LHFPL5: variants seen among roughly 807,000 people sequenced by gnomAD.
LHFPL5 encodes LHFPL tetraspan subfamily member 5 protein.
Under a neutral mutation model 18.7 loss-of-function variants are expected in LHFPL5, and 12 were observed. That is an observed-to-expected ratio of 0.64 (90% CI 0.41 to 1.04). LHFPL5 has a LOEUF of 1.04. Ranked by LOEUF, LHFPL5 falls within the 50% of genes least tolerant of loss-of-function variation. The pLI is 0.00. For synonymous variants in LHFPL5, 111 were observed against 120.2 expected (o/e 0.92, Z 0.50); for missense variants, 259 against 292.1 (o/e 0.89, Z 0.83).
At chr6:35,807,019 G>A (rs1768580500) in intron 1 of LHFPL5, among the ~76,000 whole-genome samples, 3 of 152,040 alleles carry the variant, frequency 2.0e-5, no homozygotes, top group African/African-American at 7.2e-5. Flanking sequence ...GTAGAGACGG[G>A]GTTTTGTCAT....
rs1346378551 is a variant in LHFPL5 at position 35,814,073 on chromosome 6, A to G, written c.413-473A>G. On this transcript the variant is annotated intron_variant, in intron 1 of 3. Transcript: ENST00000360215. The surrounding 1 kb of genome is among the most constrained non-coding windows in gnomAD (Gnocchi z 4.2). ...CGACCTCCCAAAGTGCTGGGATTAC[A>G]GGTGTGAGCCACCACCCCCAGGCTA... 2.0e-5 allele frequency among the ~76,000 whole-genome samples: 3 copies of G among 152,202 alleles called. No individual in the cohort carries two copies. The highest frequency in any genetic ancestry group is 1.3e-4 in the Admixed American group (2 of 15,282).
intron 2 of LHFPL5, among the ~76,000 whole-genome samples, chr6:35,816,383 C>CAAAT (rs1245096476): frequency 6.8e-6 from 1 of 147,136 alleles, no homozygotes; most frequent in Non-Finnish European, 1.5e-5. Context: ...AAAAAGAAAA[C>CAAAT]AAATTACTAG....
chr6:35,819,483 G>A lies in LHFPL5; in HGVS notation c.*16+20G>A. On this transcript the variant is annotated intron_variant, in intron 3 of 3. Transcript: ENST00000360215. ...GGGTCGGTGAGTAATTCTATGGGAG[G>A]GTGGTCTGCGTGCCCTTAGAAAGGC... The A allele has an allele frequency of 6.2e-7, 1 of 1,612,198 alleles. No individual in the cohort carries two copies.
intron 2 of LHFPL5, among the ~76,000 whole-genome samples, chr6:35,815,472 T>A (rs1768743136): frequency 6.6e-6 from 1 of 152,156 alleles, no homozygotes; most frequent in Non-Finnish European, 1.5e-5. Flanking sequence ...CTTGGGCTAA[T>A]TTTTCAGAGC....
intron 1 of LHFPL5, among the ~76,000 whole-genome samples, chr6:35,809,406 A>G (rs1367944762): frequency 1.3e-5 from 2 of 152,132 alleles, no homozygotes; most frequent in Non-Finnish European, 2.9e-5. Flanking sequence ...GGCCTCTTCT[A>G]GGCTCTAGAC....
In LHFPL5 at chr6:35,818,106, A is replaced by T. The variant is rs532285018; in HGVS notation, c.650-1331A>T. Among the ~76,000 whole-genome samples, 93 of 152,308 alleles carry T rather than the reference A, an allele frequency of 6.1e-4. 1 individual carries two copies. The highest frequency in any genetic ancestry group is 1.0e-3 in the Non-Finnish European group (70 of 68,030). On this transcript the variant is annotated intron_variant, in intron 2 of 3. Coordinates refer to ENST00000360215, the MANE Select transcript of LHFPL5 (RefSeq NM_182548.4). ...ATGTTAAATGAAAGGAACCAGACAC[A>T]AAAGACTGGTTTCCATTTGTATATC...
chr6:35,817,197 T>C (rs1344509164), intron 2 of LHFPL5, among the ~76,000 whole-genome samples: 2 of 152,030 alleles, frequency 1.3e-5, no homozygotes, highest in Admixed American at 1.3e-4. Context: ...GGTGGGCACC[T>C]GTAGTTCCAG....
Position 35,805,701 on chromosome 6 carries a change from G to A in LHFPL5, c.31G>A (p.Ala11Thr). MVKLLPAQEA[A>T]KIYHTNYVRN... is the part of the protein sequence containing the mutation. ...GAAATTGCTGCCGGCCCAGGAGGCA[G>A]CCAAGATCTACCATACCAACTATGT... Residue 11 changes from alanine (A) to threonine (T), a missense_variant, in exon 1 of 4, where the codon GCC becomes ACC. By Grantham distance (58) the Ala-to-Thr change is moderately conservative (BLOSUM62 0). Transcript: ENST00000360215. The surrounding 1 kb of genome is among the most constrained non-coding windows in gnomAD (Gnocchi z 4.3). 1 of 1,614,126 alleles carries A rather than the reference G, an allele frequency of 6.2e-7. No individual in the cohort carries two copies. Among genetic ancestry groups the A allele is most frequent in the Non-Finnish European group, 8.5e-7 (1 of 1,180,004 alleles).
chr6:35,809,751 G>T (rs933682153), intron 1 of LHFPL5, among the ~76,000 whole-genome samples: 4 of 152,162 alleles, frequency 2.6e-5, no homozygotes, highest in African/African-American at 9.7e-5. Context: ...CGATCTGCCT[G>T]CCTCAGCCTC....
intron 2 of LHFPL5, among the ~76,000 whole-genome samples, chr6:35,818,339 ATATATATATGTATTTTT>A (rs1561955599): frequency 6.1e-4 from 17 of 27,862 alleles, no homozygotes; most frequent in Non-Finnish European, 9.4e-4. Flanking sequence ...ATATATATAT[ATATATATATGTATTTTT>A]TTTTTTTTTT....
At chr6:35,807,027 C>T (rs1768580554) in intron 1 of LHFPL5, among the ~76,000 whole-genome samples, 1 of 152,086 alleles carries the variant, frequency 6.6e-6, no homozygotes, top group South Asian at 2.1e-4. Context: ...GGGGTTTTGT[C>T]ATGTTGCCCA....
In LHFPL5 at chr6:35,823,426, T is replaced by TATATACACACACAC. The variant is rs886061353; in HGVS notation, c.*462_*463insTATACACACACACA. ...ACACACACACACACACACACACACA[T>TATATACACACACAC]ACATACACACACACATATATATACA... On this transcript the variant is annotated 3_prime_UTR_variant, in exon 4 of 4. Transcript: ENST00000360215. The TATATACACACACAC allele has an allele frequency of 1.7e-5, 1 of 59,324 alleles. No homozygotes were observed. Among genetic ancestry groups the TATATACACACACAC allele is most frequent in the African/African-American group, 6.4e-5 (1 of 15,516 alleles). The allele number at this position is 59,324 out of a possible 1,614,324, so 3.7% of individuals were successfully genotyped here.
At chr6:35,817,540 G>A (rs1768787263) in intron 2 of LHFPL5, among the ~76,000 whole-genome samples, 1 of 152,036 alleles carries the variant, frequency 6.6e-6, no homozygotes, top group Admixed American at 6.6e-5. Context: ...GCTTAAAATG[G>A]GCAAGGGATT....
At chr6:35,813,785 CCTTTT>C (rs1348090578) in intron 1 of LHFPL5, among the ~76,000 whole-genome samples, 117 of 149,288 alleles carry the variant, frequency 7.8e-4, no homozygotes, top group Middle Eastern at 6.9e-3. Context: ...CTTTCTTTTT[CCTTTT>C]CCTTTTTTTT....
At chr6:35,818,339 ATATATATATG>A (rs1427009145) in intron 2 of LHFPL5, among the ~76,000 whole-genome samples, 88 of 27,856 alleles carry the variant, frequency 3.2e-3, no homozygotes, top group Middle Eastern at 0.022. Flanking sequence ...ATATATATAT[ATATATATATG>A]TATTTTTTTT....
At chr6:35,816,095 C>T (rs1235184826) in intron 2 of LHFPL5, among the ~76,000 whole-genome samples, 16 of 150,086 alleles carry the variant, frequency 1.1e-4, no homozygotes, top group South Asian at 2.1e-4. Flanking sequence ...GGCGTGAACC[C>T]GGGAAGCGGA....
At chr6:35,810,007 A>C (rs980495970) in intron 1 of LHFPL5, among the ~76,000 whole-genome samples, 1 of 152,224 alleles carries the variant, frequency 6.6e-6, no homozygotes, top group African/African-American at 2.4e-5. Flanking sequence ...GACGATTTCA[A>C]ATTTGCTGTT....
chr6:35,812,678 C>A (rs1010240411), intron 1 of LHFPL5, among the ~76,000 whole-genome samples: 2 of 152,198 alleles, frequency 1.3e-5, no homozygotes, highest in Non-Finnish European at 2.9e-5. Flanking sequence ...AGTATTAACT[C>A]ATTTGAACCT....
intron 2 of LHFPL5, among the ~76,000 whole-genome samples, chr6:35,818,345 ATATGTATTT>A (rs1239389568): frequency 3.2e-3 from 17 of 5,254 alleles, no homozygotes; most frequent in Non-Finnish European, 7.4e-3. Context: ...ATATATATAT[ATATGTATTT>A]TTTTTTTTTT....
Sources: gnomAD v4.1 joint callset for allele counts (sites outside exome capture counted in the v4.1 genomes callset) on GRCh38, gnomAD v4.1.1 for gene constraint, Gnocchi (gnomAD v3.1) non-coding constraint, MANE v1.5 for transcripts, NCBI Gene and HGNC (gene_info 2026-07-23, HGNC 2026-07-21) for gene names.